IGSF9: variants seen among roughly 807,000 people sequenced by gnomAD.
IGSF9 encodes immunoglobulin superfamily member 9, also known as protein turtle homolog A.
In IGSF9, 87 loss-of-function variants were observed where a neutral mutation model predicts 121.7. The observed-to-expected ratio is 0.71, with a 90% confidence interval of 0.60 to 0.85. The LOEUF is 0.85. Ranked by LOEUF, IGSF9 falls within the 40% of genes least tolerant of loss-of-function variation. IGSF9 has a pLI of 0.00. For synonymous variants in IGSF9, 640 were observed against 648.4 expected, an observed-to-expected ratio of 0.99 and a Z score of 0.20; for missense variants, 1,462 against 1,565.3, an observed-to-expected ratio of 0.93 and a Z score of 1.11.
chr1:159,934,798 G>C lies in IGSF9; in HGVS notation c.698C>G (p.Pro233Arg). 1 of 1,614,134 alleles carries C rather than the reference G, an allele frequency of 6.2e-7. No homozygotes were observed. The highest frequency in any genetic ancestry group is 8.5e-7 in the Non-Finnish European group (1 of 1,180,004). ...GGAGGCATTGACTGTGCTGTTCTTG[G>C]GGGGCACCACGATGACTGGGGGTCC... ...VLGPPVIVVP[P>R]KNSTVNASQD... Residue 233 changes from proline to arginine, a missense_variant, in exon 7 of 21, where the codon CCC (proline) becomes CGC (arginine). By Grantham distance (103) the Pro-to-Arg change is moderately radical. This residue lies in a region of IGSF9 where 558 missense variants were observed against 599.4 expected (regional missense o/e 0.93). Coordinates refer to ENST00000368094, the MANE Select transcript of IGSF9 (RefSeq NM_001135050.2).
rs143442822 is a variant in IGSF9, at chr1:159,943,057, G to A, written c.153C>T (p.Pro51=). ...AGCGCAGCCACTCGATGACATGCAG[G>A]GGGGGCCGGCCGGCCGGGGGCAGCA... ...CDLLPPAGRP[P]LHVIEWLRFG... Residue 51 remains proline (P), a synonymous_variant, in exon 3 of 21, where the codon CCC becomes CCT. Transcript: ENST00000368094. The A allele has an allele frequency of 3.2e-5, 52 of 1,613,238 alleles. No homozygotes were observed. The highest frequency in any genetic ancestry group is 1.6e-4 in the Middle Eastern group (1 of 6,076).
chr1:159,930,601 C>T (rs1372224132), intron 14 of IGSF9, 91 bp downstream of exon 14: 2 of 1,573,972 alleles, frequency 1.3e-6, no homozygotes, highest in South Asian at 2.3e-5. Flanking sequence ...GCACCTCTGC[C>T]CCTTCCCACC....
In IGSF9 at chr1:159,928,192, G is replaced by T; in HGVS notation, c.3196C>A (p.Pro1066Thr). ...SSWASGPERW[P>T]RREHVVTVSK... ...ACTGTCACCACATGCTCCCTTCGGG[G>T]CCATCTCTCAGGGCCACTGGCCCAG... The change falls in exon 19 of 21, where the codon CCC (proline) becomes ACC (threonine). Residue 1066 changes from proline (P) to threonine (T), a missense_variant. Transcript: ENST00000368094. The T allele has an allele frequency of 6.2e-7, 1 of 1,611,308 alleles. No homozygotes were observed. The highest frequency in any genetic ancestry group is 1.3e-5 in the African/African-American group (1 of 75,050).
chr1:159,941,061 T>G (rs1651357893), intron 3 of IGSF9, among the ~76,000 whole-genome samples: 1 of 152,170 alleles, frequency 6.6e-6, no homozygotes. Flanking sequence ...TGTTTTATAT[T>G]GCTTTCACTC....
intron 2 of IGSF9, 44 bp from the exon 3 acceptor site, chr1:159,943,195 A>C: frequency 1.3e-6 from 2 of 1,512,140 alleles, no homozygotes; most frequent in Non-Finnish European, 1.8e-6. Flanking sequence ...GGCTAGGGTC[A>C]GTGCTGGGAG....
chr1:159,936,600 C>A, intron 5 of IGSF9, 84 bp from the exon 6 acceptor site: 1 of 1,530,398 alleles, frequency 6.5e-7, no homozygotes, highest in Non-Finnish European at 8.9e-7. Flanking sequence ...CAGAGGGAGG[C>A]AGCACCCCAG....
chr1:159,930,687 C>T lies in IGSF9; in HGVS notation c.1813+5G>A, dbSNP rs1305996731. ...TCTGCTGTTCTGGGACGAGAAGCTTCTCACCTTCCGGAGCAGACAAGACGA... is the reference window on the plus strand; with the variant it reads ...TCTGCTGTTCTGGGACGAGAAGCTTTTCACCTTCCGGAGCAGACAAGACGA... On this transcript the variant is annotated splice_donor_5th_base_variant and intron_variant, in intron 14 of 20. Coordinates refer to ENST00000368094, the MANE Select transcript of IGSF9 (RefSeq NM_001135050.2). 3 of 1,613,886 alleles carry T rather than the reference C, an allele frequency of 1.9e-6. No individual in the cohort carries two copies. The highest frequency in any genetic ancestry group is 2.5e-6 in the Non-Finnish European group (3 of 1,179,958).
At chr1:159,936,970 A>G in intron 4 of IGSF9, 62 bp from the exon 5 acceptor site, 1 of 1,546,158 alleles carries the variant, frequency 6.5e-7, no homozygotes, top group Non-Finnish European at 8.9e-7. Context: ...GCAGTGTCCA[A>G]GGGCCAGGGA....
At position 159,931,795 on chromosome 1, in the gene IGSF9, G is replaced by C; in HGVS notation, c.1362+17C>G. 1.3e-6 allele frequency: 2 copies of C among 1,521,960 alleles called. No homozygotes were observed. The highest frequency in any genetic ancestry group is 1.8e-6 in the Non-Finnish European group (2 of 1,122,686). The allele number at this position is 1,521,960 out of a possible 1,614,324, so 94.3% of individuals were successfully genotyped here. Reference sequence around the variant, plus strand: ...TAGTGGGCGTGGGTACAGGCAGAGCGGGCTCAGGAGCCTTACCTTGGTCCA... The same window carrying C: ...TAGTGGGCGTGGGTACAGGCAGAGCCGGCTCAGGAGCCTTACCTTGGTCCA... On this transcript the variant is annotated intron_variant, in intron 11 of 20. Coordinates refer to ENST00000368094, the MANE Select transcript of IGSF9 (RefSeq NM_001135050.2). The surrounding 1 kb of genome is among the most constrained non-coding windows in gnomAD (Gnocchi z 4.8).
Position 159,930,236 on chromosome 1 carries a change from C to T in IGSF9, c.2017G>A (p.Ala673Thr), listed in dbSNP as rs767519534. The stretch of plus-strand genomic sequence containing the variant: ...AGCTCTGTTTCTGTGCCTGCCACAG[C>T]CGGGTCCAGCACCTCCCAGCCCTGG... ...GSQGWEVLDP[A>T]VAGTETELLV... is the part of the protein sequence containing the mutation. Residue 673 changes from alanine to threonine, a missense_variant, in exon 15 of 21, where the codon GCT becomes ACT. Physicochemically the swap from Ala to Thr is moderately conservative, Grantham distance 58 (BLOSUM62 0). This residue lies in a region of IGSF9 where 808 missense variants were observed against 815.2 expected (regional missense o/e 0.99). Transcript: ENST00000368094. The T allele has an allele frequency of 2.7e-5, 44 of 1,613,044 alleles. No homozygotes were observed. Among genetic ancestry groups the T allele is most frequent in the Non-Finnish European group, 7.6e-6 (9 of 1,179,548 alleles).
chr1:159,931,697 C>A lies in IGSF9; in HGVS notation c.1363-94G>T. 1 of 1,527,014 alleles carries A rather than the reference C, an allele frequency of 6.5e-7. No individual in the cohort carries two copies. Among genetic ancestry groups the A allele is most frequent in the East Asian group, 2.3e-5 (1 of 43,812 alleles). The allele number at this position is 1,527,014 out of a possible 1,614,324, so 94.6% of individuals were successfully genotyped here. A position where few individuals can be genotyped will look rare whatever the true frequency, so the allele number is the denominator to read the frequency against. ...CCAGGCAGCTCCAGTTCCTCCCCACCCTGCCTCTGACAGCCTTCTCCTTCC... is the reference window on the plus strand; with the variant it reads ...CCAGGCAGCTCCAGTTCCTCCCCACACTGCCTCTGACAGCCTTCTCCTTCC... On this transcript the variant is annotated intron_variant, in intron 11 of 20. Coordinates refer to ENST00000368094, the MANE Select transcript of IGSF9 (RefSeq NM_001135050.2). The surrounding 1 kb of genome is among the most constrained non-coding windows in gnomAD (Gnocchi z 4.8).
At chr1:159,936,228 T>A (rs1651178650) in intron 6 of IGSF9, among the ~76,000 whole-genome samples, 171 bp downstream of exon 6, 1 of 152,154 alleles carries the variant, frequency 6.6e-6, no homozygotes, top group Non-Finnish European at 1.5e-5. Context: ...CCTTTTAAAA[T>A]TAAGGTGCTG....
Position 159,933,546 on chromosome 1 carries a change from C to T in IGSF9, c.1104+644G>A, listed in dbSNP as rs577455250. On this transcript the variant is annotated intron_variant, in intron 9 of 20. Coordinates refer to ENST00000368094, the MANE Select transcript of IGSF9 (RefSeq NM_001135050.2). Reference sequence around the variant, plus strand: ...CCTGTCTTTCCAGCTTTCTCTGCACCATTCATGTCCCTGCAGGCACTCCGG... The same window carrying T: ...CCTGTCTTTCCAGCTTTCTCTGCACTATTCATGTCCCTGCAGGCACTCCGG... 3 of 152,890 alleles carry T rather than the reference C, an allele frequency of 2.0e-5. No homozygotes were observed. In the East Asian group the frequency reaches 5.8e-4, roughly 29 times the overall value. 9.5% of individuals were successfully genotyped at this position (152,890 alleles called of 1,614,324 possible). A position where few individuals can be genotyped will look rare whatever the true frequency, so the allele number is the denominator to read the frequency against.
chr1:159,927,742 T>TC lies in IGSF9; in HGVS notation c.3358+17dup, dbSNP rs1242605022. The TC allele has an allele frequency of 6.2e-7, 1 of 1,609,712 alleles. No individual in the cohort carries two copies. The highest frequency in any genetic ancestry group is 2.2e-5 in the East Asian group (1 of 44,808). ...ACAGTATGGCCGAGATGCCTGCCTT[T>TC]CCGGGGGGCTCACACACCTAGCTCT... On this transcript the variant is annotated intron_variant, in intron 20 of 20. Coordinates refer to ENST00000368094, the MANE Select transcript of IGSF9 (RefSeq NM_001135050.2).
chr1:159,932,730 G>C lies in IGSF9; in HGVS notation c.1105-78C>G, dbSNP rs75376900. On this transcript the variant is annotated intron_variant, in intron 9 of 20. Transcript: ENST00000368094. The surrounding 1 kb of genome is among the most constrained non-coding windows in gnomAD (Gnocchi z 4.1). Reference sequence around the variant, plus strand: ...CCGGGATGGCAGTACAAGAGAGGGGGCAGGATGAGAAACCCACAGCTGTGC... The same window carrying C: ...CCGGGATGGCAGTACAAGAGAGGGGCCAGGATGAGAAACCCACAGCTGTGC... 0.066 allele frequency: 94,648 copies of C among 1,438,534 alleles called. 6,380 individuals carry two copies. The highest frequency in any genetic ancestry group is 0.35 in the African/African-American group (24,711 of 70,530). The allele number at this position is 1,438,534 out of a possible 1,614,324, so 89.1% of individuals were successfully genotyped here.
In IGSF9 at chr1:159,929,304, C is replaced by T. The variant is rs377097968; in HGVS notation, c.2369+47G>A. On this transcript the variant is annotated intron_variant, in intron 18 of 20. Coordinates refer to ENST00000368094, the MANE Select transcript of IGSF9 (RefSeq NM_001135050.2). ...AAAAAGGAAGCAGAAGATACTGGCACGTACAATGGAAAGGCAGAAGAAAGC... is the reference window on the plus strand; with the variant it reads ...AAAAAGGAAGCAGAAGATACTGGCATGTACAATGGAAAGGCAGAAGAAAGC... 2.6e-5 allele frequency: 42 copies of T among 1,592,318 alleles called. No homozygotes were observed. In the African/African-American group the frequency reaches 3.8e-4, roughly 14 times the overall value.
At position 159,927,357 on chromosome 1, in the gene IGSF9, G is replaced by A. The variant is rs1650772455; in HGVS notation, c.3528C>T (p.Ala1176=). The change falls in exon 21 of 21, where the codon GCC becomes GCT. Residue 1176 remains alanine (A), a synonymous_variant. Transcript: ENST00000368094. ...ACATCAGGGATGTTCACAGCAGAGTGGCCTGTTCGGGGTGGGGGACTGGCT... is the reference window on the plus strand; with the variant it reads ...ACATCAGGGATGTTCACAGCAGAGTAGCCTGTTCGGGGTGGGGGACTGGCT... ...YRQPVPHPEQ[A]TLL is the part of the protein sequence containing the mutation. 6.2e-7 allele frequency: 1 copy of A among 1,613,790 alleles called. No homozygotes were observed. Among genetic ancestry groups the A allele is most frequent in the South Asian group, 1.1e-5 (1 of 91,068 alleles).
chr1:159,937,597 A>C, intron 4 of IGSF9, 89 bp downstream of exon 4: 2 of 1,400,770 alleles, frequency 1.4e-6, no homozygotes, highest in Non-Finnish European at 1.0e-6. Context: ...ATGGAAATAG[A>C]ACTCCCTCTT....
rs1651205364 is a variant in IGSF9 at position 159,936,807 on chromosome 1, CAT to C, written c.500_501del (p.His167ArgfsTer45). The C allele has an allele frequency of 1.2e-6, 2 of 1,614,228 alleles. No homozygotes were observed. Among genetic ancestry groups the C allele is most frequent in the South Asian group, 1.1e-5 (1 of 91,090 alleles). On this transcript the variant is annotated frameshift_variant, in exon 5 of 21. Transcript: ENST00000368094. LOFTEE classifies it high-confidence loss of function. The part of the protein sequence containing the change: ...RCVARGSPLP[H>X]VTWKLRGKDL... ...TCCTTTCCTCGGAGCTTCCACGTCA[CAT>C]GAGGCAGGGGGCTGCCACGGGCCAC...
Sources: gnomAD v4.1 joint callset for allele counts (sites outside exome capture counted in the v4.1 genomes callset) on GRCh38, gnomAD v4.1.1 for gene constraint, gnomAD v4.1.1 regional missense constraint, Gnocchi (gnomAD v3.1) non-coding constraint, MANE v1.5 for transcripts, NCBI Gene and HGNC (gene_info 2026-07-23, HGNC 2026-07-21) for gene names.